RBFOX1: variants seen among roughly 807,000 people sequenced by gnomAD.
RBFOX1 encodes the protein RNA binding protein fox-1 homolog 1.
A neutral mutation model predicts 57.7 loss-of-function variants in RBFOX1; 8 were observed. The observed-to-expected ratio is 0.14, with a 90% CI of 0.08 to 0.25. RBFOX1 has a LOEUF of 0.25. Ranked by LOEUF, RBFOX1 falls within the 10% of genes least tolerant of loss-of-function variation. RBFOX1 has a pLI of 1.00. For synonymous variants in RBFOX1, 326 were observed against 222.4 expected (o/e 1.47, Z -4.15); for missense variants, 611 against 548.5 (o/e 1.11, Z -1.14).
intron 14 of RBFOX1, chr16:7,693,416 C>CCTTT: frequency 6.4e-6 from 5 of 782,666 alleles, no homozygotes; most frequent in Non-Finnish European, 9.1e-6. Context: ...TCTCAGTATC[C>CCTTT]TTTTTTTTTT....
rs146830846 is a variant in RBFOX1, at chr16:5,412,897, G to A, written c.220-54319G>A. On this transcript the variant is annotated intron_variant, in intron 1 of 2. Transcript: ENST00000585867. ...TGAGCAAATGCTGGAATTCCCCAGC[G>A]AGAGGCGCCACCCACCCAGGACATG... 1.5e-3 allele frequency among the ~76,000 whole-genome samples: 222 copies of A among 152,306 alleles called. 2 individuals are homozygous for A. The highest frequency in any genetic ancestry group is 0.014 in the Middle Eastern group (4 of 294).
chr16:7,015,582 A>C (rs996790644), intron 3 of RBFOX1, among the ~76,000 whole-genome samples: 1 of 152,152 alleles, frequency 6.6e-6, no homozygotes, highest in African/African-American at 2.4e-5. Context: ...CATTATTCTG[A>C]GATTTTGGCT....
chr16:5,324,196 C>T (rs1168289713), intron 1 of RBFOX1, among the ~76,000 whole-genome samples: 2 of 152,216 alleles, frequency 1.3e-5, no homozygotes, highest in Non-Finnish European at 2.9e-5. Flanking sequence ...GGTGCTGTGG[C>T]TCATGCCTGT....
chr16:6,629,399 A>G, intron 2 of RBFOX1, among the ~76,000 whole-genome samples: 1 of 152,264 alleles, frequency 6.6e-6, no homozygotes, highest in East Asian at 1.9e-4. Flanking sequence ...TGAGAGTACC[A>G]ACAGCTACAA....
intron 1 of RBFOX1, among the ~76,000 whole-genome samples, chr16:6,063,846 C>A (rs947608233): frequency 6.6e-6 from 1 of 152,074 alleles, no homozygotes; most frequent in Admixed American, 6.5e-5. Context: ...GCCTCCTTGT[C>A]CTTAAGTTGT....
chr16:7,682,505 C>T (rs1417603527), intron 14 of RBFOX1, among the ~76,000 whole-genome samples: 1 of 150,394 alleles, frequency 6.6e-6, no homozygotes, highest in Non-Finnish European at 1.5e-5. Context: ...ATCTCTGTGC[C>T]ATTTTTGATG....
upstream of RBFOX1, among the ~76,000 whole-genome samples, chr16:6,014,429 C>G (rs916899118): frequency 3.3e-5 from 5 of 152,152 alleles, no homozygotes; most frequent in Admixed American, 6.5e-5. Context: ...AAAAAGAGAC[C>G]TCATCTGTGG....
At chr16:7,519,133 A>T (rs2077004203) in intron 5 of RBFOX1, among the ~76,000 whole-genome samples, 1 of 152,210 alleles carries the variant, frequency 6.6e-6, no homozygotes, top group African/African-American at 2.4e-5. Flanking sequence ...GAGTTGTGCG[A>T]TGATTGCCGG....
At chr16:6,757,811 C>G (rs1011027392) in intron 3 of RBFOX1, among the ~76,000 whole-genome samples, 12 of 152,146 alleles carry the variant, frequency 7.9e-5, no homozygotes, top group African/African-American at 2.9e-4. Flanking sequence ...TGTCTCCAAC[C>G]ATAGAAATGA....
At chr16:7,291,948 T>C (rs888675787) in intron 4 of RBFOX1, among the ~76,000 whole-genome samples, 21 of 107,114 alleles carry the variant, frequency 2.0e-4, no homozygotes, top group Non-Finnish European at 3.5e-4. Flanking sequence ...TTATATATTA[T>C]GTATATAATA....
chr16:6,975,116 C>T (rs2086526060), intron 3 of RBFOX1, among the ~76,000 whole-genome samples: 1 of 152,058 alleles, frequency 6.6e-6, no homozygotes, highest in East Asian at 1.9e-4. Flanking sequence ...AGTCAGAGAG[C>T]AGAGGAAGGT....
At chr16:7,445,293 A>C (rs1356268685) in intron 4 of RBFOX1, among the ~76,000 whole-genome samples, 1 of 152,198 alleles carries the variant, frequency 6.6e-6, no homozygotes, top group Non-Finnish European at 1.5e-5. Context: ...TTTAATATGC[A>C]TAGAGCCTCT....
chr16:6,590,446 G>C (rs1395332138), intron 2 of RBFOX1, among the ~76,000 whole-genome samples: 2 of 152,140 alleles, frequency 1.3e-5, no homozygotes, highest in African/African-American at 2.4e-5. Context: ...AGAATTCCAT[G>C]CTTTTACACA....
intron 4 of RBFOX1, among the ~76,000 whole-genome samples, chr16:7,459,966 G>C (rs894192624): frequency 6.6e-6 from 1 of 152,024 alleles, no homozygotes; most frequent in African/African-American, 2.4e-5. Flanking sequence ...TTAGCAACAA[G>C]TAATTGAAAA....
At chr16:5,698,916 T>C (rs547325555) in intron 3 of RBFOX1, among the ~76,000 whole-genome samples, 1 of 152,298 alleles carries the variant, frequency 6.6e-6, no homozygotes, top group East Asian at 1.9e-4. Flanking sequence ...TTTTCCTATT[T>C]CTTTCTTTCC....
intron 4 of RBFOX1, among the ~76,000 whole-genome samples, chr16:7,190,707 G>A (rs550120705): frequency 2.0e-4 from 29 of 147,282 alleles, no homozygotes; most frequent in Non-Finnish European, 4.5e-5. Flanking sequence ...TCAACAAACA[G>A]ATCCACTGTG....
chr16:5,591,684 G>A (rs2047013445), intron 2 of RBFOX1, among the ~76,000 whole-genome samples: 1 of 152,142 alleles, frequency 6.6e-6, no homozygotes, highest in East Asian at 1.9e-4. Flanking sequence ...GCATTTTACT[G>A]TTTTCTCCCC....
At chr16:5,606,582 T>C (rs1219175933) in intron 3 of RBFOX1, among the ~76,000 whole-genome samples, 1 of 152,130 alleles carries the variant, frequency 6.6e-6, no homozygotes, top group Non-Finnish European at 1.5e-5. Flanking sequence ...AAGGTATGCA[T>C]ATGAATAAGA....
intron 2 of RBFOX1, among the ~76,000 whole-genome samples, chr16:6,450,013 G>T (rs1483502538): frequency 1.3e-5 from 2 of 152,130 alleles, no homozygotes; most frequent in African/African-American, 4.8e-5. Context: ...GCTTTTATTG[G>T]ATTGCAATTT....
Sources: allele counts gnomAD v4.1 joint callset (sites outside exome capture counted in the v4.1 genomes callset), GRCh38; gene constraint gnomAD v4.1.1; transcripts MANE v1.5; gene names NCBI Gene and HGNC (gene_info 2026-07-23, HGNC 2026-07-21).